ADGRF5: variants seen among roughly 807,000 people sequenced by gnomAD.
ADGRF5 encodes adhesion G protein-coupled receptor F5.
In ADGRF5, 75 loss-of-function variants were observed where a neutral mutation model predicts 132.3. The ratio of observed to expected loss-of-function variants is 0.57; its 90% CI spans 0.47 to 0.69. The LOEUF (loss-of-function observed/expected upper bound fraction) is 0.69, where lower values mean the gene tolerates loss of function less well. ADGRF5 is among the 30% of genes least tolerant of loss of function. The pLI is 0.00. For missense variants in ADGRF5, 1,516 were observed against 1,630.6 expected, an observed-to-expected ratio of 0.93 and a Z score of 1.21; for synonymous variants, 629 against 597.6, an observed-to-expected ratio of 1.05 and a Z score of -0.77.
intron 1 of ADGRF5, among the ~76,000 whole-genome samples, chr6:46,932,184 A>C (rs890465663): frequency 1.3e-5 from 2 of 152,214 alleles, no homozygotes; most frequent in Admixed American, 6.5e-5. Flanking sequence ...AACCTATTTA[A>C]GAAAGAACAA....
intron 1 of ADGRF5, among the ~76,000 whole-genome samples, chr6:46,946,494 G>A (rs1221259891): frequency 6.6e-6 from 1 of 152,136 alleles, no homozygotes; most frequent in Non-Finnish European, 1.5e-5. Context: ...AATGAAGATG[G>A]AAGTGCAGCT....
chr6:46,859,258 A>G lies in ADGRF5; in HGVS notation c.2645T>C (p.Val882Ala), dbSNP rs769207563. The G allele has an allele frequency of 1.7e-5, 27 of 1,614,118 alleles. No individual in the cohort carries two copies. Among genetic ancestry groups the G allele is most frequent in the Non-Finnish European group, 2.1e-5 (25 of 1,179,980 alleles). The part of the protein sequence containing the change: ...FPYFDLWGNV[V>A]IDKSYLENLQ... ...GTTTTCTAGATAGCTCTTGTCAATG[A>G]CCACATTGCCCCAGAGGTCAAAGTA... The change falls in exon 17 of 21, where the codon GTC becomes GCC. Residue 882 changes from valine to alanine, a missense_variant. By Grantham distance (64) the Val-to-Ala change is moderately conservative. This residue lies in a region of ADGRF5 where 571 missense variants were observed against 701.2 expected (regional missense o/e 0.81). Coordinates refer to ENST00000283296, the MANE Select transcript of ADGRF5 (RefSeq NM_001098518.2).
intron 1 of ADGRF5, among the ~76,000 whole-genome samples, chr6:46,946,109 C>T (rs971689538): frequency 2.0e-5 from 3 of 152,106 alleles, no homozygotes; most frequent in African/African-American, 7.2e-5. Context: ...GAGGAATGAA[C>T]CACAGTAGGG....
intron 15 of ADGRF5, 40 bp downstream of exon 15, chr6:46,862,848 C>A (rs1279152889): frequency 4.5e-6 from 6 of 1,322,970 alleles, no homozygotes; most frequent in Non-Finnish European, 6.5e-6. Context: ...CCAGATAGAT[C>A]GCCCCACCAA....
At chr6:46,897,573 G>A (rs1017964930) in intron 3 of ADGRF5, among the ~76,000 whole-genome samples, 2 of 152,082 alleles carry the variant, frequency 1.3e-5, no homozygotes, top group African/African-American at 2.4e-5. Context: ...CTGGAGAGTC[G>A]TGTTCTTTTT....
intron 1 of ADGRF5, among the ~76,000 whole-genome samples, chr6:46,935,126 C>T (rs1777755479): frequency 6.6e-6 from 1 of 150,994 alleles, no homozygotes; most frequent in Admixed American, 6.6e-5. Context: ...GCCTCAGCCT[C>T]CTGAGTAGCT....
intron 1 of ADGRF5, among the ~76,000 whole-genome samples, chr6:46,937,591 C>G (rs78626020): frequency 0.024 from 3,625 of 152,170 alleles, 130 homozygotes; most frequent in African/African-American, 0.083. Flanking sequence ...CCCATATATA[C>G]CATTTTTTAT....
At chr6:46,917,073 T>C (rs1025152763) in intron 1 of ADGRF5, among the ~76,000 whole-genome samples, 1 of 152,250 alleles carries the variant, frequency 6.6e-6, no homozygotes, top group African/African-American at 2.4e-5. Context: ...TGTCAGACAC[T>C]TGCCATATGG....
At position 46,867,067 on chromosome 6, in the gene ADGRF5, C is replaced by A. The variant is rs145214557; in HGVS notation, c.1692G>T (p.Pro564=). 6.2e-7 allele frequency: 1 copy of A among 1,613,068 alleles called. No individual in the cohort carries two copies. The part of the protein sequence containing the change: ...SIATKDVIVH[P]LPLKLNIMVD... ...CCATGATGTTCAGCTTTAGAGGCAG[C>A]GGGTGAACAATGACGTCTTTGGTTG... Residue 564 remains proline (P), a synonymous_variant, in exon 13 of 21, where the codon CCG becomes CCT. Transcript: ENST00000283296.
chr6:46,877,258 T>TCTTTCTTTCTTC (rs1771809534), intron 10 of ADGRF5, among the ~76,000 whole-genome samples: 1 of 36,176 alleles, frequency 2.8e-5, no homozygotes, highest in Non-Finnish European at 5.2e-5. Flanking sequence ...TTTCTTTCTT[T>TCTTTCTTTCTTC]CTTTCTTTCT....
intron 4 of ADGRF5, among the ~76,000 whole-genome samples, chr6:46,884,993 G>A (rs754025817): frequency 6.6e-6 from 1 of 152,108 alleles, no homozygotes; most frequent in Non-Finnish European, 1.5e-5. Flanking sequence ...CTTGAGCCCA[G>A]GAGTTTGAGA....
intron 1 of ADGRF5, among the ~76,000 whole-genome samples, chr6:46,951,718 C>G (rs1778506339): frequency 6.6e-6 from 1 of 152,182 alleles, no homozygotes. Context: ...GCCTTTCCTC[C>G]CTCCTCATCT....
Position 46,853,988 on chromosome 6 carries a change from G to A in ADGRF5, c.*4C>T. On this transcript the variant is annotated 3_prime_UTR_variant, in exon 21 of 21. Transcript: ENST00000283296. ...GAGGTCACGTAGGTTGGATTATCCT[G>A]TTCTTAGTTGAGCAACGAAGAAGCA... 6.3e-7 allele frequency: 1 copy of A among 1,595,412 alleles called. No homozygotes were observed. Among genetic ancestry groups the A allele is most frequent in the African/African-American group, 1.4e-5 (1 of 73,946 alleles).
In ADGRF5 at chr6:46,858,832, A is replaced by G. The variant is rs143563991; in HGVS notation, c.3071T>C (p.Ile1024Thr). ...AACTAGACAGGCTGCCAAGCTCAAG[A>G]TGGAAAAGCCCACCCCAACATAAGA... ...IISYVGVGFS[I>T]LSLAACLVVE... The change falls in exon 17 of 21, where the codon ATC (isoleucine) becomes ACC (threonine). Residue 1024 changes from isoleucine (I) to threonine (T), a missense_variant. This residue lies in a region of ADGRF5 where 571 missense variants were observed against 701.2 expected (regional missense o/e 0.81). Transcript: ENST00000283296. The G allele has an allele frequency of 3.1e-6, 5 of 1,613,960 alleles. No individual in the cohort carries two copies. In the African/African-American group the frequency reaches 5.3e-5, roughly 17 times the overall value.
chr6:46,949,303 G>C (rs569088876), intron 1 of ADGRF5, among the ~76,000 whole-genome samples: 1 of 152,292 alleles, frequency 6.6e-6, no homozygotes, highest in Non-Finnish European at 1.5e-5. Context: ...AACATGTGAG[G>C]GTCCAGAACT....
At chr6:46,907,173 T>A (rs2099914709) in intron 1 of ADGRF5, among the ~76,000 whole-genome samples, 1 of 152,222 alleles carries the variant, frequency 6.6e-6, no homozygotes, top group South Asian at 2.1e-4. Context: ...TTAATTTAAT[T>A]CTGGTAGCAT....
chr6:46,884,635 C>T lies in ADGRF5; in HGVS notation c.329-364G>A, dbSNP rs183794269. Among the ~76,000 whole-genome samples the T allele has an allele frequency of 6.6e-5, 10 of 152,348 alleles. No individual in the cohort carries two copies. In the East Asian group the frequency reaches 1.9e-3, roughly 29 times the overall value. On this transcript the variant is annotated intron_variant, in intron 4 of 20. Transcript: ENST00000283296. ...CACTAGGTATTCAAACCCTTTTGTA[C>T]TACCTTCTTATATTGTACTAGGATT...
chr6:46,928,395 T>C (rs1777362359), intron 1 of ADGRF5, among the ~76,000 whole-genome samples: 1 of 152,064 alleles, frequency 6.6e-6, no homozygotes, highest in South Asian at 2.1e-4. Context: ...GGTAAAGGAG[T>C]GACTAAAGTC....
At chr6:46,922,270 G>A (rs1330032017), upstream of ADGRF5, among the ~76,000 whole-genome samples, 3 of 152,254 alleles carry the variant, frequency 2.0e-5, no homozygotes, top group Non-Finnish European at 4.4e-5. Context: ...TAAGACTATC[G>A]ATGAATTCTT....
Sources: allele counts gnomAD v4.1 joint callset (sites outside exome capture counted in the v4.1 genomes callset), GRCh38; gene constraint gnomAD v4.1.1; regional missense constraint gnomAD v4.1.1; transcripts MANE v1.5; gene names NCBI Gene and HGNC (gene_info 2026-07-23, HGNC 2026-07-21).